The following EXOC4 variants were observed in gnomAD, a reference collection of about 807,000 sequenced individuals.
EXOC4 encodes SEC8-like 1.
In EXOC4, 71 loss-of-function variants were observed where a neutral mutation model predicts 107.2. The ratio of observed to expected loss-of-function variants is 0.66; its 90% confidence interval spans 0.55 to 0.81. The LOEUF (loss-of-function observed/expected upper bound fraction) is 0.81, where lower values mean the gene tolerates loss of function less well. Among genes scored for constraint, EXOC4 ranks in the 30% least tolerant of loss-of-function variants. The pLI is 0.00. For synonymous variants in EXOC4, 456 were observed against 441.2 expected (o/e 1.03, Z -0.42); for missense variants, 1,108 against 1,189.6 (o/e 0.93, Z 1.01).
intron 9 of EXOC4, among the ~76,000 whole-genome samples, chr7:133,516,123 G>A (rs181152012): frequency 1.8e-4 from 28 of 152,276 alleles, no homozygotes; most frequent in African/African-American, 6.5e-4. Context: ...CTTAGCAACT[G>A]TGTCACCACT....
chr7:133,986,978 C>T (rs1201335898), intron 14 of EXOC4, among the ~76,000 whole-genome samples: 1 of 152,072 alleles, frequency 6.6e-6, no homozygotes, highest in African/African-American at 2.4e-5. Context: ...CTTTGTAGGC[C>T]TCGTGAATCC....
At chr7:133,968,129 T>A (rs1801113851) in intron 14 of EXOC4, among the ~76,000 whole-genome samples, 1 of 152,218 alleles carries the variant, frequency 6.6e-6, no homozygotes, top group South Asian at 2.1e-4. Context: ...TTAAAGTCTG[T>A]TTTATCTGAG....
At chr7:133,717,800 T>C (rs1585099690) in intron 10 of EXOC4, among the ~76,000 whole-genome samples, 1 of 152,212 alleles carries the variant, frequency 6.6e-6, no homozygotes, top group African/African-American at 2.4e-5. Context: ...TACAGTTTCA[T>C]TGGAACCAAA....
At chr7:133,718,983 C>T (rs931710239) in intron 10 of EXOC4, among the ~76,000 whole-genome samples, 3 of 152,110 alleles carry the variant, frequency 2.0e-5, no homozygotes, top group Admixed American at 6.5e-5. Flanking sequence ...ATTTTCACGT[C>T]GAACCATGTG....
intron 14 of EXOC4, among the ~76,000 whole-genome samples, chr7:133,971,357 T>TAGAGAGAG (rs1554429066): frequency 9.9e-6 from 1 of 100,552 alleles, no homozygotes; most frequent in African/African-American, 4.5e-5. Context: ...TATATATATA[T>TAGAGAGAG]ATATAGAGAG....
chr7:133,456,446 C>A (rs571287387), intron 7 of EXOC4, among the ~76,000 whole-genome samples: 2 of 152,254 alleles, frequency 1.3e-5, no homozygotes, highest in African/African-American at 2.4e-5. Context: ...CACATTCATG[C>A]GATCATATCA....
intron 1 of EXOC4, among the ~76,000 whole-genome samples, chr7:133,274,540 C>G (rs191964514): frequency 6.6e-6 from 1 of 152,166 alleles, no homozygotes; most frequent in South Asian, 2.1e-4. Flanking sequence ...AGTATCTTAT[C>G]TTTGTACAGT....
At chr7:133,871,446 A>G (rs1316679209) in intron 11 of EXOC4, among the ~76,000 whole-genome samples, 1 of 151,866 alleles carries the variant, frequency 6.6e-6, no homozygotes, top group Admixed American at 6.6e-5. Flanking sequence ...AGCCACACCA[A>G]TTACCATTCA....
intron 13 of EXOC4, among the ~76,000 whole-genome samples, chr7:133,926,260 C>T (rs933877002): frequency 6.6e-6 from 1 of 152,250 alleles, no homozygotes; most frequent in Admixed American, 6.5e-5. Context: ...TAGAATTTGA[C>T]TCTAGGTAAT....
intron 9 of EXOC4, among the ~76,000 whole-genome samples, chr7:133,560,723 GAAT>G (rs1210378828): frequency 1.3e-5 from 2 of 152,030 alleles, no homozygotes; most frequent in African/African-American, 4.8e-5. Context: ...AAACTTCATT[GAAT>G]AATAATAATT....
chr7:133,840,889 A>T (rs776616258), intron 11 of EXOC4, among the ~76,000 whole-genome samples: 14 of 152,314 alleles, frequency 9.2e-5, no homozygotes, highest in Non-Finnish European at 1.5e-4. Context: ...GTTATGTTGT[A>T]TTTCACAATA....
intron 9 of EXOC4, among the ~76,000 whole-genome samples, chr7:133,490,191 G>A (rs1450760980): frequency 6.6e-6 from 1 of 152,120 alleles, no homozygotes; most frequent in Middle Eastern, 3.2e-3. Flanking sequence ...TAACTTCCTG[G>A]ACCAGAGTCA....
intron 11 of EXOC4, among the ~76,000 whole-genome samples, chr7:133,877,706 C>G (rs1007594952): frequency 9.0e-6 from 1 of 110,668 alleles, no homozygotes; most frequent in Admixed American, 9.1e-5. Context: ...AGTACTTGGC[C>G]GAAGGTTCTA....
At chr7:133,257,848 G>A (rs1404660103) in intron 1 of EXOC4, among the ~76,000 whole-genome samples, 1 of 152,182 alleles carries the variant, frequency 6.6e-6, no homozygotes, top group Non-Finnish European at 1.5e-5. Flanking sequence ...TTCCTCCTTG[G>A]AGAGTATTTT....
chr7:133,453,198 A>G (rs1798387822), intron 7 of EXOC4, among the ~76,000 whole-genome samples: 1 of 152,228 alleles, frequency 6.6e-6, no homozygotes, highest in Non-Finnish European at 1.5e-5. Flanking sequence ...AGGCAGACAT[A>G]TATTTCTACT....
At chr7:133,862,984 G>A (rs1368179550) in intron 11 of EXOC4, among the ~76,000 whole-genome samples, 1 of 152,076 alleles carries the variant, frequency 6.6e-6, no homozygotes, top group Non-Finnish European at 1.5e-5. Context: ...ATATGTAAGT[G>A]TACTATTTGT....
intron 4 of EXOC4, among the ~76,000 whole-genome samples, chr7:133,313,664 C>T (rs1794926949): frequency 6.6e-6 from 1 of 152,218 alleles, no homozygotes; most frequent in South Asian, 2.1e-4. Context: ...GTCAGCACTT[C>T]TAACCCCTCT....
At chr7:133,623,486 A>T (rs377000021) in intron 9 of EXOC4, among the ~76,000 whole-genome samples, 4 of 152,240 alleles carry the variant, frequency 2.6e-5, no homozygotes, top group Admixed American at 2.6e-4. Flanking sequence ...TCATTCAACA[A>T]ATATGTACTG....
intron 3 of EXOC4, among the ~76,000 whole-genome samples, chr7:133,302,832 A>G (rs1352656147): frequency 6.6e-6 from 1 of 152,120 alleles, no homozygotes; most frequent in African/African-American, 2.4e-5. Flanking sequence ...ATTTCTGTTA[A>G]TCTTTCATCA....
Sources: gnomAD v4.1 joint callset for allele counts (sites outside exome capture counted in the v4.1 genomes callset) on GRCh38, gnomAD v4.1.1 for gene constraint, MANE v1.5 for transcripts, NCBI Gene and HGNC (gene_info 2026-07-23, HGNC 2026-07-21) for gene names.